NCOA2: variants seen among roughly 807,000 people sequenced by gnomAD.
NCOA2 encodes class E basic helix-loop-helix protein 75.
In NCOA2, 21 loss-of-function variants were observed where a neutral mutation model predicts 145.1. The observed-to-expected ratio is 0.14, with a 90% CI of 0.10 to 0.21. The LOEUF (loss-of-function observed/expected upper bound fraction) is 0.21. Among genes scored for constraint, NCOA2 ranks in the 10% least tolerant of loss-of-function variants. NCOA2 has a pLI of 1.00. For missense variants in NCOA2, 1,472 were observed against 1,837.6 expected, an observed-to-expected ratio of 0.80 and a Z score of 3.64; for synonymous variants, 619 against 637.5, an observed-to-expected ratio of 0.97 and a Z score of 0.44.
At chr8:70,382,099 A>G (rs1045727273) in intron 1 of NCOA2, among the ~76,000 whole-genome samples, 2 of 152,294 alleles carry the variant, frequency 1.3e-5, no homozygotes, top group African/African-American at 2.4e-5. Flanking sequence ...TGTTAGCAGC[A>G]TAAAACCTAA....
chr8:70,215,979 C>T (rs1440686805), intron 3 of NCOA2, among the ~76,000 whole-genome samples: 1 of 152,234 alleles, frequency 6.6e-6, no homozygotes, highest in African/African-American at 2.4e-5. Context: ...AACTGTGTTC[C>T]AGGTTCTAGA....
chr8:70,424,399 C>A, the NCOA2 span: 1 of 408,910 alleles, frequency 2.4e-6, no homozygotes. Flanking sequence ...CCACCTCATC[C>A]TCAGAGAGTC....
At chr8:70,355,386 G>A (rs76718417) in intron 1 of NCOA2, among the ~76,000 whole-genome samples, 3,497 of 152,214 alleles carry the variant, frequency 0.023, 68 homozygotes, top group Non-Finnish European at 0.035. Flanking sequence ...TTGATATTGA[G>A]CCTACATGTG....
At chr8:70,236,233 C>T (rs535892444) in intron 2 of NCOA2, among the ~76,000 whole-genome samples, 1 of 152,270 alleles carries the variant, frequency 6.6e-6, no homozygotes, top group East Asian at 1.9e-4. Flanking sequence ...TCACCTCTCA[C>T]CTGGATTATC....
intron 2 of NCOA2, among the ~76,000 whole-genome samples, chr8:70,223,693 G>GT (rs1250956410): frequency 2.0e-5 from 3 of 152,116 alleles, no homozygotes; most frequent in Non-Finnish European, 4.4e-5. Flanking sequence ...TTTAGTTCCT[G>GT]TAACAGCCTG....
chr8:70,262,523 C>T (rs1029394906), intron 2 of NCOA2, among the ~76,000 whole-genome samples: 4 of 152,176 alleles, frequency 2.6e-5, no homozygotes, highest in Non-Finnish European at 5.9e-5. Flanking sequence ...ACGAGCTTGG[C>T]TGGTACTGCT....
chr8:70,440,755 G>A, the NCOA2 span, among the ~76,000 whole-genome samples: 49 of 146,280 alleles, frequency 3.3e-4, no homozygotes, highest in Admixed American at 1.2e-3. Flanking sequence ...AAGAAAGAGA[G>A]AAAGAGGAAA....
chr8:70,241,830 C>T (rs1343311156), intron 2 of NCOA2, among the ~76,000 whole-genome samples: 2 of 152,066 alleles, frequency 1.3e-5, no homozygotes, highest in Non-Finnish European at 2.9e-5. Flanking sequence ...CATGTAAGTT[C>T]TACATAAAAG....
intron 1 of NCOA2, among the ~76,000 whole-genome samples, chr8:70,350,544 T>TA (rs1356321690): frequency 6.6e-6 from 1 of 152,220 alleles, no homozygotes; most frequent in Non-Finnish European, 1.5e-5. Context: ...GATGTTTACT[T>TA]ACTAAATCAA....
chr8:70,250,796 T>C (rs941158779), intron 2 of NCOA2, among the ~76,000 whole-genome samples: 1 of 152,208 alleles, frequency 6.6e-6, no homozygotes, highest in African/African-American at 2.4e-5. Context: ...TTTAACAAGT[T>C]GCAGAGTGTG....
At chr8:70,349,231 A>G (rs1808955704) in intron 1 of NCOA2, among the ~76,000 whole-genome samples, 1 of 152,112 alleles carries the variant, frequency 6.6e-6, no homozygotes, top group Non-Finnish European at 1.5e-5. Context: ...AAAAACATAC[A>G]CACATGAAAA....
the NCOA2 span, among the ~76,000 whole-genome samples, chr8:70,435,551 T>C: frequency 3.3e-5 from 5 of 151,522 alleles, no homozygotes; most frequent in Admixed American, 1.3e-4. Context: ...ATCTCTCTGT[T>C]CTCCAGTTTT....
the NCOA2 span, among the ~76,000 whole-genome samples, chr8:70,435,191 C>T: frequency 3.3e-5 from 5 of 151,378 alleles, no homozygotes; most frequent in African/African-American, 4.8e-5. Flanking sequence ...TTTGGGAGGC[C>T]GAGGCGGGCG....
At chr8:70,376,840 G>A (rs1811708699) in intron 1 of NCOA2, among the ~76,000 whole-genome samples, 1 of 152,132 alleles carries the variant, frequency 6.6e-6, no homozygotes, top group Admixed American at 6.5e-5. Context: ...TCTTCAGCCA[G>A]GGCGCTCAGG....
the NCOA2 span, among the ~76,000 whole-genome samples, chr8:70,441,277 G>T: frequency 2.3e-5 from 3 of 129,504 alleles, no homozygotes; most frequent in East Asian, 6.7e-4. Flanking sequence ...AAAAAGGAAA[G>T]AAATAAAAAA....
the NCOA2 span, among the ~76,000 whole-genome samples, chr8:70,420,293 G>C: frequency 2.0e-5 from 3 of 152,154 alleles, no homozygotes; most frequent in Admixed American, 6.5e-5. Flanking sequence ...CAAAAATACC[G>C]TTAGAAAAAC....
chr8:70,126,789 GT>G (rs1393495424), intron 19 of NCOA2, 23 bp downstream of exon 19: 1 of 1,590,012 alleles, frequency 6.3e-7, no homozygotes, highest in Non-Finnish European at 8.6e-7. Flanking sequence ...CTGGTGAAAG[GT>G]GGTGGGGATC....
chr8:70,399,044 A>C (rs1432505745), intron 1 of NCOA2, among the ~76,000 whole-genome samples: 2 of 152,244 alleles, frequency 1.3e-5, no homozygotes, highest in Non-Finnish European at 2.9e-5. Flanking sequence ...CAGCTTCTAA[A>C]ATACCCACAA....
chr8:70,417,591 A>G, the NCOA2 span, among the ~76,000 whole-genome samples: 1 of 151,634 alleles, frequency 6.6e-6, no homozygotes, highest in Non-Finnish European at 1.5e-5. Flanking sequence ...AAACAAAACT[A>G]CCTTCTTTCA....
Sources: gnomAD v4.1 joint callset for allele counts (sites outside exome capture counted in the v4.1 genomes callset) on GRCh38, gnomAD v4.1.1 for gene constraint, MANE v1.5 for transcripts, NCBI Gene and HGNC (gene_info 2026-07-23, HGNC 2026-07-21) for gene names.